Variants in TMTC2 observed in about 807,000 individuals in gnomAD.
TMTC2 encodes the protein transmembrane O-mannosyltransferase targeting cadherins 2.
In TMTC2, 43 loss-of-function variants were observed where a neutral mutation model predicts 82.4. The observed-to-expected ratio is 0.52, with a 90% CI of 0.41 to 0.67. TMTC2 has a LOEUF of 0.67. Among genes scored for constraint, TMTC2 ranks in the 30% least tolerant of loss-of-function variants. The pLI is 0.00. For synonymous variants in TMTC2, 408 were observed against 381.9 expected, an observed-to-expected ratio of 1.07 and a Z score of -0.80; for missense variants, 919 against 1,012.4, an observed-to-expected ratio of 0.91 and a Z score of 1.25.
intron 4 of TMTC2, among the ~76,000 whole-genome samples, chr12:82,947,682 C>A (rs556626431): frequency 6.6e-6 from 1 of 152,246 alleles, no homozygotes; most frequent in South Asian, 2.1e-4. Flanking sequence ...GAAAAATAAG[C>A]AAGTTGGCCA....
At chr12:82,828,033 C>T (rs1002973244) in intron 1 of TMTC2, among the ~76,000 whole-genome samples, 2 of 150,712 alleles carry the variant, frequency 1.3e-5, no homozygotes, top group Non-Finnish European at 2.9e-5. Context: ...GCTGGAATTA[C>T]AGGCATGCGC....
At chr12:83,008,391 G>A (rs112468631) in intron 8 of TMTC2, among the ~76,000 whole-genome samples, 6 of 151,974 alleles carry the variant, frequency 3.9e-5, no homozygotes, top group Non-Finnish European at 5.9e-5. Flanking sequence ...TTCATTGCAC[G>A]TCCATTTAGA....
intron 1 of TMTC2, among the ~76,000 whole-genome samples, chr12:82,749,375 C>T (rs897908405): frequency 3.3e-5 from 5 of 152,232 alleles, no homozygotes; most frequent in East Asian, 1.9e-4. Context: ...TCCTTGCCCT[C>T]GTAGACTTAC....
intron 11 of TMTC2, among the ~76,000 whole-genome samples, chr12:83,088,047 A>G (rs1206695267): frequency 2.0e-5 from 3 of 152,240 alleles, no homozygotes; most frequent in South Asian, 2.1e-4. Flanking sequence ...ATATCCATCA[A>G]TGATCTTAGC....
intron 4 of TMTC2, among the ~76,000 whole-genome samples, chr12:82,944,297 A>G (rs1026698802): frequency 6.6e-6 from 1 of 152,052 alleles, no homozygotes; most frequent in Admixed American, 6.5e-5. Flanking sequence ...GAAAAAATAG[A>G]ACCCTGGCTG....
chr12:82,930,627 G>A, intron 4 of TMTC2, 82 bp downstream of exon 4: 2 of 793,972 alleles, frequency 2.5e-6, no homozygotes, highest in Non-Finnish European at 4.1e-6. Context: ...GCTGGAAATG[G>A]AGATGATGAT....
intron 1 of TMTC2, among the ~76,000 whole-genome samples, chr12:82,719,988 AATT>A (rs1358870993): frequency 6.6e-6 from 1 of 151,838 alleles, no homozygotes; most frequent in African/African-American, 2.4e-5. Flanking sequence ...TTTGAAGTGC[AATT>A]ATTCATTTAA....
chr12:82,811,043 AAC>A (rs755499423), intron 1 of TMTC2, among the ~76,000 whole-genome samples: 2 of 152,000 alleles, frequency 1.3e-5, no homozygotes, highest in Non-Finnish European at 2.9e-5. Context: ...CATCCTGGCT[AAC>A]ACAGTGAAAT....
intron 1 of TMTC2, among the ~76,000 whole-genome samples, chr12:82,726,835 C>T (rs1289540344): frequency 2.8e-5 from 4 of 145,408 alleles, no homozygotes; most frequent in South Asian, 2.2e-4. Flanking sequence ...GCTGAGATGG[C>T]GCCACTGCAC....
chr12:83,077,106 G>T (rs1883305823), intron 11 of TMTC2, among the ~76,000 whole-genome samples: 1 of 152,192 alleles, frequency 6.6e-6, no homozygotes, highest in East Asian at 1.9e-4. Flanking sequence ...AGCAAAGACA[G>T]CTGGGAATTT....
chr12:82,733,779 G>A (rs186315984), intron 1 of TMTC2, among the ~76,000 whole-genome samples: 52 of 152,204 alleles, frequency 3.4e-4, no homozygotes, highest in South Asian at 2.1e-4. Flanking sequence ...ATTCTGTATC[G>A]AAATTTGTGT....
At chr12:82,760,525 C>G (rs2470886) in intron 1 of TMTC2, among the ~76,000 whole-genome samples, 136,451 of 144,700 alleles carry the variant, frequency 0.94, 64,835 homozygotes, top group East Asian at 1. Context: ...TAGTTAGAAG[C>G]TAAGCATTTC....
At chr12:82,879,560 A>G (rs962992533) in intron 2 of TMTC2, among the ~76,000 whole-genome samples, 5 of 152,194 alleles carry the variant, frequency 3.3e-5, no homozygotes, top group African/African-American at 9.7e-5. Context: ...GCCATGGAGC[A>G]GGACCGGTTC....
intron 9 of TMTC2, among the ~76,000 whole-genome samples, chr12:83,036,309 T>C (rs1370369835): frequency 6.6e-6 from 1 of 152,140 alleles, no homozygotes; most frequent in Non-Finnish European, 1.5e-5. Context: ...GTTTAATTAG[T>C]TTAAAAAATC....
intron 1 of TMTC2, among the ~76,000 whole-genome samples, chr12:82,742,743 C>T (rs529818788): frequency 8.5e-5 from 13 of 152,152 alleles, no homozygotes; most frequent in Admixed American, 3.3e-4. Flanking sequence ...AGGCTGGTCT[C>T]GAACTCCTGA....
intron 1 of TMTC2, among the ~76,000 whole-genome samples, chr12:82,819,988 G>A (rs1868993229): frequency 6.6e-6 from 1 of 152,176 alleles, no homozygotes; most frequent in African/African-American, 2.4e-5. Context: ...AACTTCAAAA[G>A]TGGGGAAGCC....
At chr12:83,025,549 G>A (rs932985393) in intron 8 of TMTC2, among the ~76,000 whole-genome samples, 1 of 152,222 alleles carries the variant, frequency 6.6e-6, no homozygotes, top group African/African-American at 2.4e-5. Context: ...AAACCAAGCC[G>A]TTGTCCCGCA....
intron 8 of TMTC2, among the ~76,000 whole-genome samples, chr12:83,005,292 G>T (rs1231113976): frequency 2.1e-5 from 3 of 140,470 alleles, no homozygotes; most frequent in South Asian, 2.3e-4. Flanking sequence ...CTGCGCCACC[G>T]CACTCCAGCC....
chr12:82,869,377 G>A (rs753562558), intron 2 of TMTC2, among the ~76,000 whole-genome samples: 5 of 152,146 alleles, frequency 3.3e-5, no homozygotes, highest in Non-Finnish European at 5.9e-5. Context: ...AGCTCTTCCA[G>A]TGATTTTGAT....
Sources: gnomAD v4.1 joint callset for allele counts (sites outside exome capture counted in the v4.1 genomes callset) on GRCh38, gnomAD v4.1.1 for gene constraint, MANE v1.5 for transcripts, NCBI Gene and HGNC (gene_info 2026-07-23, HGNC 2026-07-21) for gene names.